Variants in MIB1 observed in about 807,000 individuals in gnomAD.
MIB1 encodes the protein MIB E3 ubiquitin protein ligase 1.
Under a neutral mutation model 124.5 loss-of-function variants are expected in MIB1, and 278 were observed. The ratio of observed to expected loss-of-function variants is 2.23; its 90% CI spans 2.02 to 2.47. The LOEUF (loss-of-function observed/expected upper bound fraction) is 2.47, where lower values mean the gene tolerates loss of function less well. Ranked by LOEUF, MIB1 falls within the 30% of genes most tolerant of loss-of-function variation. The pLI, the probability that MIB1 is intolerant of heterozygous loss-of-function variation, is 0.00. For missense variants in MIB1, 957 were observed against 1,254.4 expected, an observed-to-expected ratio of 0.76 and a Z score of 3.58; for synonymous variants, 446 against 429.4, an observed-to-expected ratio of 1.04 and a Z score of -0.48.
intron 1 of MIB1, among the ~76,000 whole-genome samples, chr18:21,750,548 C>T (rs2040963130): frequency 6.6e-6 from 1 of 152,104 alleles, no homozygotes; most frequent in South Asian, 2.1e-4. Flanking sequence ...ATGATGGTCT[C>T]CATCTCCTGA....
Position 21,740,996 on chromosome 18 carries a change from G to A in MIB1, c.-588G>A, listed in dbSNP as rs184930627. 9.7e-3 allele frequency among the ~76,000 whole-genome samples: 1,471 copies of A among 152,288 alleles called. 20 individuals are homozygous for A. The highest frequency in any genetic ancestry group is 0.034 in the African/African-American group (1,402 of 41,586). ...GGCTGGGACTCTGTGGCGGGGCGGA[G>A]CGCGGCGGCTGGTGCGGGGGCAGAG... On this transcript the variant is annotated 5_prime_UTR_variant, in exon 1 of 21. Transcript: ENST00000261537.
At chr18:21,815,930 T>A in intron 11 of MIB1, 117 bp downstream of exon 11, 1 of 925,056 alleles carries the variant, frequency 1.1e-6, no homozygotes, top group Non-Finnish European at 1.6e-6. Context: ...TAGTAAATGA[T>A]ACCAAAGGCG....
At chr18:21,760,709 C>A (rs76054929) in intron 1 of MIB1, among the ~76,000 whole-genome samples, 1,556 of 152,184 alleles carry the variant, frequency 0.01, 23 homozygotes, top group African/African-American at 0.036. Context: ...GGAAAATGAA[C>A]TTAGAAATGA....
At chr18:21,782,187 A>T (rs1445429778) in intron 6 of MIB1, among the ~76,000 whole-genome samples, 1 of 152,084 alleles carries the variant, frequency 6.6e-6, no homozygotes, top group Admixed American at 6.6e-5. Context: ...CAATGGCGCG[A>T]TCTCAGCTCA....
intron 1 of MIB1, among the ~76,000 whole-genome samples, chr18:21,713,897 C>T (rs192609889): frequency 7.2e-5 from 11 of 152,050 alleles, no homozygotes; most frequent in African/African-American, 2.7e-4. Context: ...GCACACCTGG[C>T]CCCATTTTCC....
At chr18:21,752,535 A>G (rs553836892) in intron 1 of MIB1, among the ~76,000 whole-genome samples, 49 of 152,358 alleles carry the variant, frequency 3.2e-4, no homozygotes, top group Non-Finnish European at 6.5e-4. Context: ...AAAGCTATTC[A>G]TACAACGAAC....
chr18:21,768,073 A>G (rs2041183922), intron 2 of MIB1, among the ~76,000 whole-genome samples: 1 of 152,172 alleles, frequency 6.6e-6, no homozygotes, highest in South Asian at 2.1e-4. Flanking sequence ...ATTTCCTGTT[A>G]TCTTCCCAAG....
intron 12 of MIB1, among the ~76,000 whole-genome samples, chr18:21,824,683 T>A (rs1396389118): frequency 6.6e-6 from 1 of 152,028 alleles, no homozygotes; most frequent in East Asian, 1.9e-4. Flanking sequence ...TTGCCCACAG[T>A]CTTTTAGAGA....
intron 1 of MIB1, among the ~76,000 whole-genome samples, chr18:21,717,923 C>T (rs779277829): frequency 8.5e-5 from 13 of 152,108 alleles, no homozygotes; most frequent in Admixed American, 3.3e-4. Context: ...AGTCATTATA[C>T]GAAAAAGATA....
At chr18:21,794,608 C>T (rs2041552881) in intron 7 of MIB1, among the ~76,000 whole-genome samples, 1 of 152,076 alleles carries the variant, frequency 6.6e-6, no homozygotes, top group African/African-American at 2.4e-5. Flanking sequence ...GGGCACATTG[C>T]ATACCTGGGA....
At chr18:21,823,717 A>G (rs2041899762) in intron 12 of MIB1, among the ~76,000 whole-genome samples, 1 of 152,166 alleles carries the variant, frequency 6.6e-6, no homozygotes, top group African/African-American at 2.4e-5. Context: ...TAAAGTTTGG[A>G]GCATTTTAAG....
rs986606989 is a variant in MIB1, at chr18:21,870,897, C to G, written c.*6231C>G. 6.6e-5 allele frequency: 10 copies of G among 151,876 alleles called. No individual in the cohort carries two copies. Among genetic ancestry groups the G allele is most frequent in the African/African-American group, 2.4e-4 (10 of 41,336 alleles). 9.4% of individuals were successfully genotyped at this position (151,876 alleles called of 1,614,324 possible). ...TGCTGTATAGTTAGAAATTTCATGG[C>G]AATATTTTTTACTAAATTGAAACTA... On this transcript the variant is annotated 3_prime_UTR_variant, in exon 21 of 21. Transcript: ENST00000261537.
chr18:21,710,062 T>G (rs983136726), intron 1 of MIB1, among the ~76,000 whole-genome samples: 1 of 152,226 alleles, frequency 6.6e-6, no homozygotes, highest in African/African-American at 2.4e-5. Context: ...TGCTTCAAAA[T>G]TTTTTAAGAC....
At chr18:21,749,002 A>G (rs1183530038) in intron 1 of MIB1, among the ~76,000 whole-genome samples, 3 of 152,042 alleles carry the variant, frequency 2.0e-5, no homozygotes, top group East Asian at 3.9e-4. Context: ...TCAGCATCCC[A>G]GATTGCCTGG....
chr18:21,849,389 G>A lies in MIB1; in HGVS notation c.2586+1G>A, dbSNP rs1215471951. On this transcript the variant is annotated splice_donor_variant, in intron 17 of 20. Transcript: ENST00000261537. LOFTEE classifies it high-confidence loss of function. ...AGAACAGGTTCAATCCAGGACAAAGGTAAGATATATTTAATATAGTATTTT... is the reference window on the plus strand; with the variant it reads ...AGAACAGGTTCAATCCAGGACAAAGATAAGATATATTTAATATAGTATTTT... 4 of 1,570,462 alleles carry A rather than the reference G, an allele frequency of 2.5e-6. No individual in the cohort carries two copies. The highest frequency in any genetic ancestry group is 3.5e-6 in the Non-Finnish European group (4 of 1,153,178).
intron 1 of MIB1, among the ~76,000 whole-genome samples, chr18:21,743,864 GTATC>G (rs1001741789): frequency 6.6e-6 from 1 of 152,006 alleles, no homozygotes; most frequent in Non-Finnish European, 1.5e-5. Context: ...AGTATGGGGT[GTATC>G]TATCATATTA....
chr18:21,753,046 A>G (rs952627163), intron 1 of MIB1, among the ~76,000 whole-genome samples: 2 of 152,164 alleles, frequency 1.3e-5, no homozygotes, highest in Non-Finnish European at 2.9e-5. Flanking sequence ...TCCCTACCCC[A>G]ATACTGTGCT....
rs746686390 is a variant in MIB1 at position 21,741,848 on chromosome 18, C to T, written c.229+36C>T. On this transcript the variant is annotated intron_variant, in intron 1 of 20. Coordinates refer to ENST00000261537, the MANE Select transcript of MIB1 (RefSeq NM_020774.4). This position sits in a 1 kb window ranked among gnomAD's most constrained non-coding sequence, Gnocchi z 5.4. Reference sequence around the variant, plus strand: ...GCCACCTGGCCAGGGCTTGCGCGCGCGGGGGGAAGGGGCGAGCTGCGGTGG... The same window carrying T: ...GCCACCTGGCCAGGGCTTGCGCGCGTGGGGGGAAGGGGCGAGCTGCGGTGG... 10 of 1,520,152 alleles carry T rather than the reference C, an allele frequency of 6.6e-6. No individual in the cohort carries two copies. The East Asian group carries it at 1.2e-4, about 19-fold the overall frequency. 94.2% of individuals were successfully genotyped at this position (1,520,152 alleles called of 1,614,324 possible).
chr18:21,817,809 A>C, intron 11 of MIB1: 2 of 285,530 alleles, frequency 7.0e-6, no homozygotes, highest in South Asian at 3.1e-5. Flanking sequence ...CTGGGGAGAC[A>C]AACCATGCAG....
Sources: gnomAD v4.1 joint callset for allele counts (sites outside exome capture counted in the v4.1 genomes callset) on GRCh38, gnomAD v4.1.1 for gene constraint, Gnocchi (gnomAD v3.1) non-coding constraint, MANE v1.5 for transcripts, NCBI Gene and HGNC (gene_info 2026-07-23, HGNC 2026-07-21) for gene names.